MLIP: variants seen among roughly 807,000 people sequenced by gnomAD.
MLIP encodes the protein muscular LMNA-interacting protein.
In MLIP, 79 loss-of-function variants were observed where a neutral mutation model predicts 84.8. The observed-to-expected ratio is 0.93, with a 90% CI of 0.78 to 1.12. The LOEUF (loss-of-function observed/expected upper bound fraction) is 1.12. Among genes scored for constraint, MLIP ranks in the 50% most tolerant of loss-of-function variants. The pLI is 0.00. For missense variants in MLIP, 1,257 were observed against 1,160.6 expected (o/e 1.08, Z -1.21); for synonymous variants, 504 against 463.0 (o/e 1.09, Z -1.14).
At chr6:54,097,021 G>A (rs923460581) in intron 1 of MLIP, among the ~76,000 whole-genome samples, 5 of 152,168 alleles carry the variant, frequency 3.3e-5, no homozygotes, top group African/African-American at 4.8e-5. Flanking sequence ...CAAGTAGTGC[G>A]GCTGTGAGGA....
intron 8 of MLIP, among the ~76,000 whole-genome samples, chr6:54,162,310 A>G (rs1306338012): frequency 2.0e-5 from 3 of 152,056 alleles, no homozygotes; most frequent in African/African-American, 7.2e-5. Flanking sequence ...CTGAAGCATG[A>G]AAGAGCTTAG....
intron 10 of MLIP, among the ~76,000 whole-genome samples, chr6:54,191,545 TG>T (rs1175969451): frequency 6.6e-6 from 1 of 152,184 alleles, no homozygotes; most frequent in African/African-American, 2.4e-5. Context: ...CTTCCTGCTC[TG>T]ACATTAACTA....
chr6:54,111,312 C>T, upstream of MLIP: 1 of 1,178,168 alleles, frequency 8.5e-7, no homozygotes, highest in South Asian at 1.9e-5. Context: ...ATTGTCAAAA[C>T]AGAAATCTAC....
chr6:54,260,579 A>G (rs1174257456), intron 13 of MLIP, among the ~76,000 whole-genome samples: 1 of 152,008 alleles, frequency 6.6e-6, no homozygotes, highest in Non-Finnish European at 1.5e-5. Context: ...TTCAACCCTG[A>G]AAACACAAAA....
chr6:54,264,843 C>T (rs1783595265), intron 13 of MLIP, among the ~76,000 whole-genome samples: 1 of 152,078 alleles, frequency 6.6e-6, no homozygotes, highest in Admixed American at 6.6e-5. Context: ...CCAGAACAAA[C>T]CAGAGCAGTC....
chr6:54,068,373 G>A (rs1456643045), intron 1 of MLIP, among the ~76,000 whole-genome samples: 1 of 97,968 alleles, frequency 1.0e-5, no homozygotes, highest in African/African-American at 2.6e-5. Context: ...CTGACCTCAA[G>A]TGATCCACCC....
intron 1 of MLIP, among the ~76,000 whole-genome samples, chr6:54,088,394 C>A (rs1050129228): frequency 6.6e-6 from 1 of 150,522 alleles, no homozygotes; most frequent in African/African-American, 2.4e-5. Flanking sequence ...GTAGGTGAGA[C>A]AATCTTGATG....
chr6:54,146,363 C>A (rs551611034), intron 4 of MLIP, among the ~76,000 whole-genome samples: 1 of 152,146 alleles, frequency 6.6e-6, no homozygotes. Flanking sequence ...ATCTATTAAA[C>A]GCTTTTTATA....
chr6:54,178,744 G>C (rs529642260), intron 9 of MLIP, among the ~76,000 whole-genome samples: 19 of 152,072 alleles, frequency 1.2e-4, no homozygotes, highest in Non-Finnish European at 2.4e-4. Flanking sequence ...TCTCCTGGTG[G>C]TCAGAGAAGA....
chr6:54,172,411 G>C (rs1775859003), intron 9 of MLIP, among the ~76,000 whole-genome samples: 1 of 151,564 alleles, frequency 6.6e-6, no homozygotes, highest in African/African-American at 2.4e-5. Flanking sequence ...GGAGTCACTG[G>C]GGTGCGAAGA....
intron 12 of MLIP, among the ~76,000 whole-genome samples, chr6:54,256,292 C>A (rs1191636281): frequency 6.6e-6 from 1 of 152,162 alleles, no homozygotes; most frequent in Admixed American, 6.6e-5. Context: ...GCCTCCCTAG[C>A]AGCCAAGGTT....
chr6:54,194,158 T>C (rs1562042664), intron 10 of MLIP, among the ~76,000 whole-genome samples: 1 of 150,526 alleles, frequency 6.6e-6, no homozygotes, highest in South Asian at 2.1e-4. Flanking sequence ...GCAAATACTT[T>C]GTTCCTAGTT....
At chr6:54,115,973 G>T (rs1769882204) in intron 1 of MLIP, among the ~76,000 whole-genome samples, 1 of 152,092 alleles carries the variant, frequency 6.6e-6, no homozygotes. Context: ...TTTTTTAATT[G>T]CTCACTGAAT....
intron 1 of MLIP, among the ~76,000 whole-genome samples, chr6:54,020,068 A>G (rs116890657): frequency 6.6e-6 from 1 of 152,288 alleles, no homozygotes; most frequent in East Asian, 1.9e-4. Flanking sequence ...GCCACAGAGT[A>G]TTTTCCTTTC....
At chr6:54,080,438 T>C (rs1423654114) in intron 1 of MLIP, among the ~76,000 whole-genome samples, 1 of 151,236 alleles carries the variant, frequency 6.6e-6, no homozygotes, top group African/African-American at 2.4e-5. Context: ...CAGACCTCAT[T>C]AATTTTATAC....
At chr6:54,229,694 A>G (rs1780844537) in intron 11 of MLIP, among the ~76,000 whole-genome samples, 1 of 152,212 alleles carries the variant, frequency 6.6e-6, no homozygotes, top group African/African-American at 2.4e-5. Flanking sequence ...TGCAAAGAAC[A>G]TGATCTTGTT....
intron 1 of MLIP, among the ~76,000 whole-genome samples, chr6:54,117,489 C>T (rs1407850956): frequency 2.0e-5 from 3 of 151,238 alleles, no homozygotes; most frequent in Non-Finnish European, 2.9e-5. Flanking sequence ...GCTGGGATTA[C>T]AGGCGTGAGC....
chr6:54,087,500 G>A (rs1767576848), intron 1 of MLIP, among the ~76,000 whole-genome samples: 1 of 152,108 alleles, frequency 6.6e-6, no homozygotes, highest in South Asian at 2.1e-4. Flanking sequence ...AGAAATCAGG[G>A]ATAAAAAATA....
At chr6:54,054,038 G>T (rs1765509444) in intron 1 of MLIP, among the ~76,000 whole-genome samples, 1 of 152,190 alleles carries the variant, frequency 6.6e-6, no homozygotes, top group Non-Finnish European at 1.5e-5. Flanking sequence ...AGCCACAAGG[G>T]AGAAATGTAC....
Sources: allele counts gnomAD v4.1 joint callset (sites outside exome capture counted in the v4.1 genomes callset), GRCh38; gene constraint gnomAD v4.1.1; transcripts MANE v1.5; gene names NCBI Gene and HGNC (gene_info 2026-07-23, HGNC 2026-07-21).